Variants in ANKS1B observed in about 807,000 individuals in gnomAD.
The protein encoded by ANKS1B is ankyrin repeat and sterile alpha motif domain-containing protein 1B.
Under a neutral mutation model 148.3 loss-of-function variants are expected in ANKS1B, and 36 were observed. The ratio of observed to expected loss-of-function variants is 0.24; its 90% CI spans 0.19 to 0.32. The LOEUF (loss-of-function observed/expected upper bound fraction) is 0.32, where lower values mean the gene tolerates loss of function less well. ANKS1B is among the 10% of genes least tolerant of loss of function. The pLI, the probability that ANKS1B is intolerant of heterozygous loss-of-function variation, is 1.00. For missense variants in ANKS1B, 1,157 were observed against 1,542.6 expected, an observed-to-expected ratio of 0.75 and a Z score of 4.19; for synonymous variants, 542 against 560.8, an observed-to-expected ratio of 0.97 and a Z score of 0.47.
At chr12:99,736,418 A>G (rs1729292917) in intron 8 of ANKS1B, among the ~76,000 whole-genome samples, 1 of 152,058 alleles carries the variant, frequency 6.6e-6, no homozygotes, top group Non-Finnish European at 1.5e-5. Context: ...ACGCAAAATC[A>G]GCACACAAAA....
intron 14 of ANKS1B, among the ~76,000 whole-genome samples, chr12:99,228,975 A>C (rs543248087): frequency 6.6e-6 from 1 of 152,034 alleles, no homozygotes; most frequent in South Asian, 2.1e-4. Flanking sequence ...TTGTTTACTA[A>C]ATTTGGATAT....
chr12:99,115,904 C>CCTA (rs1305296949), intron 15 of ANKS1B, among the ~76,000 whole-genome samples: 2 of 147,064 alleles, frequency 1.4e-5, no homozygotes, highest in Non-Finnish European at 3.0e-5. Context: ...TGCACTCCAG[C>CCTA]CTAGGCAACA....
chr12:98,758,980 T>G (rs2098334606), intron 25 of ANKS1B, among the ~76,000 whole-genome samples: 1 of 150,672 alleles, frequency 6.6e-6, no homozygotes, highest in African/African-American at 2.4e-5. Flanking sequence ...GGGGTTTCAC[T>G]GTGTTGGCCA....
At chr12:99,942,312 G>A (rs1434838833) in intron 1 of ANKS1B, among the ~76,000 whole-genome samples, 1 of 152,132 alleles carries the variant, frequency 6.6e-6, no homozygotes, top group African/African-American at 2.4e-5. Context: ...AATTAGGACT[G>A]ACAAAAAGGC....
rs550245215 is a variant in ANKS1B, at chr12:99,056,805, A to C, written c.2626-3496T>G. Among the ~76,000 whole-genome samples the C allele has an allele frequency of 1.1e-4, 17 of 152,294 alleles. No individual in the cohort carries two copies. In the East Asian group the frequency reaches 3.3e-3, roughly 29 times the overall value. On this transcript the variant is annotated intron_variant, in intron 16 of 26. Transcript: ENST00000683438. ...GGAATGCTTTTGCCCCTGCTTCTGGAGTGATTTCTTCAGGACTGGCTTCTC... is the reference window on the plus strand; with the variant it reads ...GGAATGCTTTTGCCCCTGCTTCTGGCGTGATTTCTTCAGGACTGGCTTCTC...
At chr12:99,657,352 C>T (rs1357934634) in intron 8 of ANKS1B, among the ~76,000 whole-genome samples, 1 of 152,102 alleles carries the variant, frequency 6.6e-6, no homozygotes, top group Non-Finnish European at 1.5e-5. Flanking sequence ...GTACAATAAC[C>T]TGTGGAAGAC....
intron 12 of ANKS1B, among the ~76,000 whole-genome samples, chr12:99,281,280 T>A (rs1189204699): frequency 6.6e-6 from 1 of 152,224 alleles, no homozygotes; most frequent in Non-Finnish European, 1.5e-5. Context: ...ATTTATTACA[T>A]GCTAGATTTT....
intron 17 of ANKS1B, among the ~76,000 whole-genome samples, chr12:98,950,450 T>C (rs1939991477): frequency 6.6e-6 from 1 of 152,094 alleles, no homozygotes; most frequent in Admixed American, 6.5e-5. Context: ...TGAGTTGAGA[T>C]TGTGTCACTG....
chr12:99,526,914 C>G (rs2096932421), intron 9 of ANKS1B, among the ~76,000 whole-genome samples: 1 of 152,156 alleles, frequency 6.6e-6, no homozygotes, highest in Non-Finnish European at 1.5e-5. Context: ...GGACCCCAAT[C>G]CAATGACAAG....
At chr12:98,742,564 G>A (rs1025237025), downstream of ANKS1B, among the ~76,000 whole-genome samples, 2 of 152,214 alleles carry the variant, frequency 1.3e-5, no homozygotes, top group Non-Finnish European at 2.9e-5. Flanking sequence ...CGACTTGAGC[G>A]GAAGACAGAA....
At chr12:99,468,183 T>C (rs2152891996) in intron 10 of ANKS1B, among the ~76,000 whole-genome samples, 1 of 152,082 alleles carries the variant, frequency 6.6e-6, no homozygotes, top group Admixed American at 6.5e-5. Flanking sequence ...AAACAAGCAA[T>C]GGGGAAAGGA....
intron 17 of ANKS1B, among the ~76,000 whole-genome samples, chr12:98,885,533 G>C (rs955187070): frequency 6.6e-6 from 1 of 152,198 alleles, no homozygotes; most frequent in African/African-American, 2.4e-5. Flanking sequence ...CAACAGAAGT[G>C]AACACTCCAG....
At chr12:99,368,715 G>A (rs977699773) in intron 12 of ANKS1B, among the ~76,000 whole-genome samples, 4 of 151,690 alleles carry the variant, frequency 2.6e-5, no homozygotes, top group African/African-American at 4.8e-5. Context: ...AAAAGAAAAC[G>A]GAAAAGAAAA....
At chr12:99,683,395 C>T (rs2098632296) in intron 8 of ANKS1B, among the ~76,000 whole-genome samples, 1 of 151,992 alleles carries the variant, frequency 6.6e-6, no homozygotes, top group South Asian at 2.1e-4. Context: ...TAGATAAATT[C>T]CTGGAAATAT....
intron 17 of ANKS1B, chr12:98,931,828 A>C (rs2099813876): frequency 6.6e-6 from 1 of 152,016 alleles, no homozygotes; most frequent in South Asian, 2.1e-4. Context: ...CTGAACCAAA[A>C]CTCTATTTTT....
intron 15 of ANKS1B, among the ~76,000 whole-genome samples, chr12:99,090,246 C>T (rs1298630582): frequency 3.3e-5 from 5 of 152,108 alleles, no homozygotes; most frequent in Non-Finnish European, 7.4e-5. Context: ...TCTCTCCAAA[C>T]TCTGCATTTA....
chr12:99,717,965 G>A (rs1398261167), intron 8 of ANKS1B, among the ~76,000 whole-genome samples: 223 of 146,188 alleles, frequency 1.5e-3, no homozygotes, highest in African/African-American at 5.1e-3. Context: ...GTGCAGTGGC[G>A]CGATCTCGGC....
At chr12:99,805,282 A>AAAAAAAAAAAAAAAG in intron 4 of ANKS1B, among the ~76,000 whole-genome samples, 1 of 148,302 alleles carries the variant, frequency 6.7e-6, no homozygotes, top group Non-Finnish European at 1.5e-5. Flanking sequence ...AAAAAAAAAA[A>AAAAAAAAAAAAAAAG]AAAAAAGACT....
intron 12 of ANKS1B, among the ~76,000 whole-genome samples, chr12:99,327,916 C>T (rs759922140): frequency 2.0e-4 from 31 of 151,704 alleles, no homozygotes; most frequent in Admixed American, 6.6e-4. Context: ...TTTAAACTAA[C>T]GGGATTATTT....
Sources: allele counts gnomAD v4.1 joint callset (sites outside exome capture counted in the v4.1 genomes callset), GRCh38; gene constraint gnomAD v4.1.1; transcripts MANE v1.5; gene names NCBI Gene and HGNC (gene_info 2026-07-23, HGNC 2026-07-21).